Variants in GAS7 observed in about 807,000 individuals in gnomAD.
The protein encoded by GAS7 is growth arrest specific 7.
Under a neutral mutation model 71.1 loss-of-function variants are expected in GAS7, and 28 were observed. That is an observed-to-expected ratio of 0.39 (90% confidence interval 0.29 to 0.54). The LOEUF (loss-of-function observed/expected upper bound fraction) is 0.54, where lower values mean the gene tolerates loss of function less well. GAS7 is among the 20% of genes least tolerant of loss of function. The pLI, the probability that GAS7 is intolerant of heterozygous loss-of-function variation, is 0.62. For synonymous variants in GAS7, 258 were observed against 245.8 expected, an observed-to-expected ratio of 1.05 and a Z score of -0.46; for missense variants, 436 against 627.8, an observed-to-expected ratio of 0.69 and a Z score of 3.27.
chr17:10,016,620 A>AACAAAACAAACAAAAAAAAAC (rs1555523683), intron 2 of GAS7, among the ~76,000 whole-genome samples: 5 of 131,664 alleles, frequency 3.8e-5, no homozygotes, highest in African/African-American at 9.2e-5. Context: ...AAAAAAAAAA[A>AACAAAACAAACAAAAAAAAAC]AAAACAAAAC....
At chr17:9,990,086 G>A (rs985461842) in intron 2 of GAS7, among the ~76,000 whole-genome samples, 2 of 152,130 alleles carry the variant, frequency 1.3e-5, no homozygotes, top group Admixed American at 6.5e-5. Flanking sequence ...TGGCTAACAC[G>A]GTGAAACCCC....
intron 1 of GAS7, among the ~76,000 whole-genome samples, chr17:10,085,768 T>A (rs541221237): frequency 1.1e-4 from 16 of 151,978 alleles, no homozygotes; most frequent in Non-Finnish European, 2.4e-4. Flanking sequence ...ACAAGCACTT[T>A]GACACATTTT....
chr17:10,095,088 G>C (rs1239242646), intron 1 of GAS7, among the ~76,000 whole-genome samples: 1 of 152,102 alleles, frequency 6.6e-6, no homozygotes, highest in African/African-American at 2.4e-5. Context: ...ACAACTTCCT[G>C]TGCCTAGGTT....
intron 2 of GAS7, among the ~76,000 whole-genome samples, chr17:10,018,297 T>C (rs896294646): frequency 4.6e-5 from 7 of 152,176 alleles, no homozygotes; most frequent in Non-Finnish European, 1.0e-4. Context: ...CAGAAAGCCA[T>C]TTCCCCCCAT....
At chr17:10,163,813 A>G (rs1438572510) in intron 1 of GAS7, among the ~76,000 whole-genome samples, 2 of 152,116 alleles carry the variant, frequency 1.3e-5, no homozygotes, top group Non-Finnish European at 2.9e-5. Flanking sequence ...ACCTCTTTCT[A>G]TCTGGGTGCC....
At chr17:10,135,175 C>T (rs924282363) in intron 1 of GAS7, among the ~76,000 whole-genome samples, 3 of 152,042 alleles carry the variant, frequency 2.0e-5, no homozygotes, top group South Asian at 2.1e-4. Context: ...GCAGTTTACA[C>T]AGAAATTTCT....
At position 9,917,335 on chromosome 17, in the gene GAS7, C is replaced by T. The variant is rs749501790; in HGVS notation, c.1324G>A (p.Glu442Lys). 30 of 1,611,002 alleles carry T rather than the reference C, an allele frequency of 1.9e-5. No individual in the cohort carries two copies. The East Asian group carries it at 3.6e-4, about 19-fold the overall frequency. Residue 442 changes from glutamate (E) to lysine (K), a missense_variant, in exon 14 of 14, where the codon GAG becomes AAG. Coordinates refer to ENST00000432992, the MANE Select transcript of GAS7 (RefSeq NM_201433.2). ...ETDMFNQSTV[E>K]PVDQLLRKVD... ...TTTCGAAGCAGCTGATCCACGGGCT[C>T]GACTGTCTGCAAGAGACAGAGAAAA...
chr17:10,144,310 T>C (rs1597817426), intron 1 of GAS7, among the ~76,000 whole-genome samples: 2 of 152,128 alleles, frequency 1.3e-5, no homozygotes, highest in Non-Finnish European at 2.9e-5. Flanking sequence ...GGAGGACAGG[T>C]GAGCCTCTGC....
intron 1 of GAS7, among the ~76,000 whole-genome samples, chr17:10,053,801 C>A (rs62065819): frequency 6.6e-6 from 1 of 152,186 alleles, no homozygotes; most frequent in Non-Finnish European, 1.5e-5. Flanking sequence ...ACCTCTCTCC[C>A]CCATGGGTCT....
In GAS7 at chr17:10,049,609, C is replaced by CTTTTTTTTT. The variant is rs1168627510; in HGVS notation, c.184-29721_184-29713dup. The stretch of plus-strand genomic sequence containing the variant: ...TTTAAAACGTGTTTTGAAATTACTT[C>CTTTTTTTTT]TTTTTTTTTTTTTTTTTTTTTTTTT... On this transcript the variant is annotated intron_variant, in intron 1 of 13. Coordinates refer to ENST00000432992, the MANE Select transcript of GAS7 (RefSeq NM_201433.2). Among the ~76,000 whole-genome samples, 8 of 70,396 alleles carry CTTTTTTTTT rather than the reference C, an allele frequency of 1.1e-4. 1 individual carries two copies. Among genetic ancestry groups the CTTTTTTTTT allele is most frequent in the Admixed American group, 3.6e-4 (2 of 5,512 alleles). 46.2% of individuals were successfully genotyped at this position (70,396 alleles called of 152,430 possible).
chr17:10,029,703 T>C (rs1257049933), intron 1 of GAS7, among the ~76,000 whole-genome samples: 1 of 151,894 alleles, frequency 6.6e-6, no homozygotes, highest in Non-Finnish European at 1.5e-5. Flanking sequence ...AATTTAAAAA[T>C]TAGCCAGACG....
intron 1 of GAS7, among the ~76,000 whole-genome samples, chr17:10,161,774 G>A (rs186600228): frequency 2.6e-5 from 4 of 152,200 alleles, no homozygotes; most frequent in East Asian, 3.9e-4. Flanking sequence ...TTACAAAAAC[G>A]CCTTCCCAGG....
intron 3 of GAS7, among the ~76,000 whole-genome samples, chr17:9,976,068 C>G (rs2070190736): frequency 6.6e-6 from 1 of 152,220 alleles, no homozygotes; most frequent in Non-Finnish European, 1.5e-5. Context: ...TTTAGGGGAG[C>G]AGTTTTACAT....
chr17:10,007,624 T>TAAAA, intron 2 of GAS7, among the ~76,000 whole-genome samples: 1 of 50,270 alleles, frequency 2.0e-5, no homozygotes, highest in Non-Finnish European at 3.1e-5. Flanking sequence ...AGATTCTGTC[T>TAAAA]CAAAAAAAAA....
At chr17:10,085,706 A>AAAAAAAAAAAAAAAAGAAAGAAAG (rs1555531934) in intron 1 of GAS7, among the ~76,000 whole-genome samples, 6 of 134,936 alleles carry the variant, frequency 4.4e-5, no homozygotes, top group Non-Finnish European at 7.6e-5. Flanking sequence ...AAAAAAAAAA[A>AAAAAAAAAAAAAAAAGAAAGAAAG]AAAGAAAGAA....
chr17:9,988,624 T>G (rs1021116671), intron 2 of GAS7, among the ~76,000 whole-genome samples: 1 of 151,852 alleles, frequency 6.6e-6, no homozygotes, highest in Non-Finnish European at 1.5e-5. Flanking sequence ...GAGGCGGAGG[T>G]TGTGGTGAGC....
At chr17:10,057,563 G>A (rs968645916) in intron 1 of GAS7, among the ~76,000 whole-genome samples, 5 of 150,684 alleles carry the variant, frequency 3.3e-5, no homozygotes, top group African/African-American at 1.2e-4. Context: ...CCCGGCAGCC[G>A]CCCCGTCAGG....
At chr17:10,064,761 T>G (rs200525278) in intron 1 of GAS7, among the ~76,000 whole-genome samples, 1 of 50,286 alleles carries the variant, frequency 2.0e-5, no homozygotes, top group African/African-American at 6.2e-5. Flanking sequence ...ACTGTTTGTT[T>G]AAGCCACTTG....
intron 2 of GAS7, among the ~76,000 whole-genome samples, chr17:9,982,475 C>T (rs1186460963): frequency 6.6e-6 from 1 of 152,122 alleles, no homozygotes; most frequent in East Asian, 1.9e-4. Context: ...CTGCTACAGG[C>T]TCTAATCAGA....
Sources: gnomAD v4.1 joint callset for allele counts (sites outside exome capture counted in the v4.1 genomes callset) on GRCh38, gnomAD v4.1.1 for gene constraint, MANE v1.5 for transcripts, NCBI Gene and HGNC (gene_info 2026-07-23, HGNC 2026-07-21) for gene names.